The following EYS variants were observed in gnomAD, a reference collection of about 807,000 sequenced individuals.
The protein encoded by EYS is EGF-like photoreceptor maintenance factor.
In EYS, 250 loss-of-function variants were observed where a neutral mutation model predicts 282.1. That is an observed-to-expected ratio of 0.89 (90% CI 0.80 to 0.98). The LOEUF is 0.98. EYS is among the 50% of genes least tolerant of loss of function. The probability of loss-of-function intolerance (pLI) is 0.00; values close to 1 mark genes in which losing one functional copy is unlikely to be tolerated. For missense variants in EYS, 4,016 were observed against 3,709.0 expected (o/e 1.08, Z -2.15); for synonymous variants, 1,355 against 1,282.9 (o/e 1.06, Z -1.20).
chr6:64,954,560 G>A (rs1769625895), intron 14 of EYS, among the ~76,000 whole-genome samples: 1 of 152,000 alleles, frequency 6.6e-6, no homozygotes, highest in Non-Finnish European at 1.5e-5. Context: ...TATAGTTTTG[G>A]GGAGCATTAC....
At chr6:65,408,405 T>A (rs1040627511) in intron 5 of EYS, among the ~76,000 whole-genome samples, 1 of 152,110 alleles carries the variant, frequency 6.6e-6, no homozygotes, top group Non-Finnish European at 1.5e-5. Context: ...CTCTTAAATA[T>A]CTGGCAGGTC....
chr6:64,296,596 A>AT (rs1561913890), intron 30 of EYS, among the ~76,000 whole-genome samples: 10 of 6,144 alleles, frequency 1.6e-3, no homozygotes, highest in East Asian at 5.1e-3. Flanking sequence ...ATATATATAT[A>AT]TATTTTTTTT....
intron 35 of EYS, among the ~76,000 whole-genome samples, chr6:63,871,578 C>T (rs931791771): frequency 1.3e-5 from 2 of 152,114 alleles, no homozygotes; most frequent in African/African-American, 4.8e-5. Context: ...GGGAGAATCA[C>T]TGGAACCCAG....
intron 33 of EYS, among the ~76,000 whole-genome samples, chr6:64,030,357 T>C (rs1242698619): frequency 1.3e-5 from 2 of 152,208 alleles, no homozygotes; most frequent in Admixed American, 6.5e-5. Context: ...ATATTTTTCT[T>C]AAGTGGAATG....
intron 36 of EYS, among the ~76,000 whole-genome samples, chr6:63,829,529 T>A (rs925913504): frequency 2.0e-5 from 3 of 152,142 alleles, no homozygotes; most frequent in African/African-American, 7.2e-5. Flanking sequence ...GCGTCCACCA[T>A]TGCTGAGGCT....
rs141333986 is a variant in EYS at position 64,579,427 on chromosome 6, T to G, written c.5644+10796A>C. Among the ~76,000 whole-genome samples, 10 of 152,230 alleles carry G rather than the reference T, an allele frequency of 6.6e-5. No homozygotes were observed. In the East Asian group the frequency reaches 1.9e-3, roughly 29 times the overall value. On this transcript the variant is annotated intron_variant, in intron 26 of 42. Coordinates refer to ENST00000503581, the MANE Select transcript of EYS (RefSeq NM_001142800.2). Reference sequence around the variant, plus strand: ...TTTGCCTTTATATCATCTGGAAAGTTGTATAGAGACCAAATCTTCAACCCC... The same window carrying G: ...TTTGCCTTTATATCATCTGGAAAGTGGTATAGAGACCAAATCTTCAACCCC...
chr6:64,006,937 T>C (rs1195268000), intron 33 of EYS, among the ~76,000 whole-genome samples: 2 of 152,184 alleles, frequency 1.3e-5, no homozygotes, highest in Non-Finnish European at 2.9e-5. Flanking sequence ...TCATCGAAGA[T>C]ATTGGCCTGA....
intron 30 of EYS, among the ~76,000 whole-genome samples, chr6:64,258,383 T>G (rs981450595): frequency 6.6e-6 from 1 of 151,894 alleles, no homozygotes; most frequent in Non-Finnish European, 1.5e-5. Context: ...CTAAAATAAA[T>G]CGGTTGCTAA....
chr6:65,073,412 T>C (rs1474769623), intron 12 of EYS, among the ~76,000 whole-genome samples: 1 of 151,760 alleles, frequency 6.6e-6, no homozygotes, highest in Non-Finnish European at 1.5e-5. Context: ...CTCTGAAGTA[T>C]ATCCTAGATA....
intron 24 of EYS, among the ~76,000 whole-genome samples, chr6:64,601,434 A>G (rs1004443375): frequency 9.8e-6 from 1 of 101,568 alleles, no homozygotes; most frequent in African/African-American, 3.7e-5. Flanking sequence ...GAAATTTATT[A>G]TCATTACTCT....
intron 2 of EYS, among the ~76,000 whole-genome samples, chr6:65,526,479 C>T (rs965092413): frequency 6.6e-6 from 1 of 152,118 alleles, no homozygotes; most frequent in Non-Finnish European, 1.5e-5. Context: ...TTGTAGCTAG[C>T]AAACATTTGG....
chr6:65,193,771 A>G (rs941767058), intron 12 of EYS, among the ~76,000 whole-genome samples: 9 of 151,780 alleles, frequency 5.9e-5, no homozygotes, highest in African/African-American at 2.2e-4. Context: ...AACAGTAAAG[A>G]AAACAATAAC....
chr6:64,208,041 A>C (rs1156303061), intron 31 of EYS, among the ~76,000 whole-genome samples: 1 of 152,188 alleles, frequency 6.6e-6, no homozygotes, highest in African/African-American at 2.4e-5. Context: ...CATTCTTCTG[A>C]TCTAAATATA....
intron 29 of EYS, among the ~76,000 whole-genome samples, chr6:64,331,382 G>T (rs2150390630): frequency 6.6e-6 from 1 of 152,232 alleles, no homozygotes; most frequent in African/African-American, 2.4e-5. Flanking sequence ...CGAGGCTAGA[G>T]GAAACAGAAA....
intron 27 of EYS, among the ~76,000 whole-genome samples, chr6:64,437,307 T>C (rs548237249): frequency 1.3e-5 from 2 of 151,740 alleles, no homozygotes; most frequent in African/African-American, 2.4e-5. Flanking sequence ...TAATTCACAA[T>C]AGGTTAAACG....
intron 1 of EYS, among the ~76,000 whole-genome samples, chr6:65,688,494 A>T (rs1215990267): frequency 3.9e-5 from 6 of 152,184 alleles, no homozygotes; most frequent in African/African-American, 1.4e-4. Flanking sequence ...AAGAAAACCT[A>T]GGCAATACCA....
At chr6:64,305,864 A>G (rs1769425356) in intron 30 of EYS, among the ~76,000 whole-genome samples, 1 of 152,226 alleles carries the variant, frequency 6.6e-6, no homozygotes, top group Non-Finnish European at 1.5e-5. Context: ...ACAGGCAATG[A>G]AAGAAAAAAC....
In EYS at chr6:65,405,385, C is replaced by G. The variant is rs759189842; in HGVS notation, c.863-18G>C. The G allele has an allele frequency of 3.0e-6, 4 of 1,343,678 alleles. No homozygotes were observed. The highest frequency in any genetic ancestry group is 2.6e-5 in the East Asian group (1 of 38,992). The allele number at this position is 1,343,678 out of a possible 1,614,324, so 83.2% of individuals were successfully genotyped here. A position where few individuals can be genotyped will look rare whatever the true frequency, so the allele number is the denominator to read the frequency against. ...GAATGGACCTTAAAAAAATCACACA[C>G]AAGAAAAAAAAAGAAAAGGAAGGAA... is the stretch of plus-strand genomic sequence containing the variant. On this transcript the variant is annotated intron_variant, in intron 5 of 42. Coordinates refer to ENST00000503581, the MANE Select transcript of EYS (RefSeq NM_001142800.2).
intron 22 of EYS, among the ~76,000 whole-genome samples, chr6:64,752,590 T>C (rs572136556): frequency 6.6e-6 from 1 of 152,242 alleles, no homozygotes; most frequent in East Asian, 1.9e-4. Context: ...TTTGAGGGAA[T>C]GATTGAGGAA....
Sources: allele counts gnomAD v4.1 joint callset (sites outside exome capture counted in the v4.1 genomes callset), GRCh38; gene constraint gnomAD v4.1.1; transcripts MANE v1.5; gene names NCBI Gene and HGNC (gene_info 2026-07-23, HGNC 2026-07-21).